NLGN4X: variants seen among roughly 807,000 people sequenced by gnomAD.
NLGN4X encodes the protein neuroligin 4 X-linked.
NLGN4X carries 3 observed loss-of-function variants against 40.3 expected under a neutral mutation model. The ratio of observed to expected loss-of-function variants is 0.07; its 90% CI spans 0.03 to 0.19. NLGN4X has a LOEUF of 0.19. Ranked by LOEUF, NLGN4X falls within the 10% of genes least tolerant of loss-of-function variation. The probability of loss-of-function intolerance (pLI) is 1.00; values close to 1 mark genes in which losing one functional copy is unlikely to be tolerated. For synonymous variants in NLGN4X, 270 were observed against 306.8 expected (o/e 0.88, Z 1.25); for missense variants, 382 against 708.3 (o/e 0.54, Z 5.23).
intron 3 of NLGN4X, among the ~76,000 whole-genome samples, chrX:6,000,308 T>A (rs754420767): frequency 2.2e-4 from 25 of 112,566 alleles, no homozygotes; most frequent in Non-Finnish European, 4.1e-4. Flanking sequence ...ATATTGGCGT[T>A]TGGTTTCTTA....
At chrX:6,070,063 G>C (rs1259028337) in intron 2 of NLGN4X, among the ~76,000 whole-genome samples, 1 of 111,183 alleles carries the variant, frequency 9.0e-6, no homozygotes, top group Non-Finnish European at 1.9e-5. Context: ...CCAGGAACCA[G>C]TAACATACTA....
chrX:5,964,943 G>A (rs1013194365), intron 3 of NLGN4X, among the ~76,000 whole-genome samples: 4 of 112,163 alleles, frequency 3.6e-5, no homozygotes, highest in Non-Finnish European at 7.5e-5. Context: ...CATCATAATA[G>A]TTAAAATGTA....
chrX:6,104,527 G>GCT (rs34616814), intron 2 of NLGN4X, among the ~76,000 whole-genome samples: 83 of 103,341 alleles, frequency 8.0e-4, no homozygotes, highest in African/African-American at 2.3e-3. Flanking sequence ...GATCTTTTTT[G>GCT]CTCTCTCTCT....
chrX:6,067,768 A>G (rs1170963571), intron 2 of NLGN4X, among the ~76,000 whole-genome samples: 2 of 111,369 alleles, frequency 1.8e-5, no homozygotes, highest in African/African-American at 6.5e-5. Context: ...TGTAAATGGC[A>G]TGCCAGCTCA....
chrX:5,910,644 G>A (rs1364513470), intron 3 of NLGN4X, among the ~76,000 whole-genome samples: 1 of 111,609 alleles, frequency 9.0e-6, no homozygotes, highest in Admixed American at 9.6e-5. Flanking sequence ...TACCAATTGA[G>A]TCAACCAGCA....
chrX:6,126,687 T>A (rs2039555383), intron 2 of NLGN4X, among the ~76,000 whole-genome samples: 1 of 112,353 alleles, frequency 8.9e-6, no homozygotes, highest in Non-Finnish European at 1.9e-5. Flanking sequence ...ACAAATGAGA[T>A]AACATGAGCT....
chrX:6,227,674 G>A (rs1926502791), intron 1 of NLGN4X: 1 of 111,284 alleles, frequency 9.0e-6, no homozygotes, highest in South Asian at 3.8e-4. Flanking sequence ...GTTTACAGAA[G>A]CAGCCCGGAG....
At position 6,094,742 on chromosome X, in the gene NLGN4X, G is replaced by C. The variant is rs190849436; in HGVS notation, c.472+56253C>G. 4.1e-3 allele frequency among the ~76,000 whole-genome samples: 455 copies of C among 111,677 alleles called. 5 individuals carry two copies. The highest frequency in any genetic ancestry group is 0.014 in the African/African-American group (429 of 30,759). ...GGAAATTTCTAAAGAAGATCTCAGA[G>C]GATCTGCTGCAGGTTATCGAATAGC... On this transcript the variant is annotated intron_variant, in intron 2 of 5. Transcript: ENST00000381095.
At chrX:5,978,305 TTTCTTTCTTTCTTTCTTTCTTTC>T (rs2035260868) in intron 3 of NLGN4X, among the ~76,000 whole-genome samples, 1 of 93,383 alleles carries the variant, frequency 1.1e-5, no homozygotes, top group Non-Finnish European at 2.1e-5. Context: ...TCTTTCTTTC[TTTCTTTCTTTCTTTCTTTCTTTC>T]TTTCTTTCTT....
intron 3 of NLGN4X, among the ~76,000 whole-genome samples, chrX:5,936,630 C>CT (rs761020138): frequency 8.9e-6 from 1 of 111,781 alleles, no homozygotes; most frequent in East Asian, 2.8e-4. Flanking sequence ...GATGTATTGG[C>CT]TATGTTACTG....
At chrX:6,024,188 G>A (rs1220397813) in intron 3 of NLGN4X, among the ~76,000 whole-genome samples, 4 of 111,643 alleles carry the variant, frequency 3.6e-5, no homozygotes, top group Non-Finnish European at 3.8e-5. Context: ...ATCTTCTTAG[G>A]GGTAAATGAT....
chrX:5,912,145 A>C (rs1376622580), intron 3 of NLGN4X, among the ~76,000 whole-genome samples: 1 of 111,483 alleles, frequency 9.0e-6, no homozygotes, highest in Non-Finnish European at 1.9e-5. Context: ...TGCATGTCAC[A>C]GGGGTTTGAT....
chrX:6,222,967 G>C (rs1387556384), intron 1 of NLGN4X, among the ~76,000 whole-genome samples: 1 of 111,330 alleles, frequency 9.0e-6, no homozygotes, highest in Non-Finnish European at 1.9e-5. Context: ...GCTGAACTGT[G>C]AGTCATTTAA....
At chrX:6,045,845 C>T (rs112396267) in intron 2 of NLGN4X, among the ~76,000 whole-genome samples, 1 of 110,966 alleles carries the variant, frequency 9.0e-6, no homozygotes, top group Admixed American at 9.7e-5. Context: ...TCTACAGACT[C>T]GAAGCCTATA....
chrX:6,083,200 C>T (rs1382651786), intron 2 of NLGN4X, among the ~76,000 whole-genome samples: 1 of 103,264 alleles, frequency 9.7e-6, no homozygotes, highest in Non-Finnish European at 2.0e-5. Context: ...CCTCATGATC[C>T]GCCTGCCTCA....
intron 3 of NLGN4X, among the ~76,000 whole-genome samples, chrX:5,925,927 T>G (rs9699011): frequency 3.5e-5 from 2 of 57,426 alleles, no homozygotes; most frequent in Non-Finnish European, 6.6e-5. Flanking sequence ...TATATATATA[T>G]ATATAAACCT....
intron 1 of NLGN4X, among the ~76,000 whole-genome samples, chrX:6,206,380 C>A (rs1055458967): frequency 9.0e-6 from 1 of 111,641 alleles, no homozygotes. Flanking sequence ...AGTCATCACA[C>A]TGGACACTTT....
chrX:6,117,602 C>G (rs943313164), intron 2 of NLGN4X, among the ~76,000 whole-genome samples: 1 of 111,416 alleles, frequency 9.0e-6, no homozygotes, highest in Admixed American at 9.6e-5. Flanking sequence ...GGGCATGAAA[C>G]AAATGGCCTA....
At chrX:6,193,977 C>T (rs1179827162) in intron 1 of NLGN4X, among the ~76,000 whole-genome samples, 1 of 112,118 alleles carries the variant, frequency 8.9e-6, no homozygotes, top group Admixed American at 9.5e-5. Flanking sequence ...TTTGCTGTGG[C>T]AGAAGGTCAG....
Sources: gnomAD v4.1 joint callset for allele counts (sites outside exome capture counted in the v4.1 genomes callset) on GRCh38, gnomAD v4.1.1 for gene constraint, MANE v1.5 for transcripts, NCBI Gene and HGNC (gene_info 2026-07-23, HGNC 2026-07-21) for gene names.